The following TTC28 variants were observed in gnomAD, a reference collection of about 807,000 sequenced individuals.
TTC28 encodes the protein tetratricopeptide repeat protein 28.
A neutral mutation model predicts 198.0 loss-of-function variants in TTC28; 61 were observed. The ratio of observed to expected loss-of-function variants is 0.31; its 90% CI spans 0.25 to 0.38. The LOEUF is 0.38. Among genes scored for constraint, TTC28 ranks in the 10% least tolerant of loss-of-function variants. The probability of loss-of-function intolerance (pLI) is 1.00; values close to 1 mark genes in which losing one functional copy is unlikely to be tolerated. For missense variants in TTC28, 2,678 were observed against 3,164.0 expected, an observed-to-expected ratio of 0.85 and a Z score of 3.69; for synonymous variants, 1,171 against 1,297.8, an observed-to-expected ratio of 0.90 and a Z score of 2.10.
intron 2 of TTC28, among the ~76,000 whole-genome samples, chr22:28,625,191 T>C (rs1238094227): frequency 2.0e-5 from 3 of 152,120 alleles, no homozygotes; most frequent in East Asian, 3.9e-4. Flanking sequence ...GTACCGGATA[T>C]GCTAACCAGC....
intron 2 of TTC28, among the ~76,000 whole-genome samples, chr22:28,387,038 C>G (rs899009662): frequency 6.6e-6 from 1 of 152,068 alleles, no homozygotes; most frequent in Non-Finnish European, 1.5e-5. Flanking sequence ...GTTCCCCTTC[C>G]TGTGTCCACG....
intron 2 of TTC28, among the ~76,000 whole-genome samples, chr22:28,514,175 C>A (rs1398548158): frequency 1.3e-5 from 2 of 152,124 alleles, no homozygotes; most frequent in Non-Finnish European, 2.9e-5. Flanking sequence ...GAATCAATTG[C>A]CTTATTTATT....
intron 2 of TTC28, among the ~76,000 whole-genome samples, chr22:28,366,674 A>G (rs1403997734): frequency 2.0e-5 from 3 of 152,106 alleles, no homozygotes; most frequent in Non-Finnish European, 4.4e-5. Context: ...GCAAGATGCA[A>G]TGATCTCTTG....
intron 2 of TTC28, among the ~76,000 whole-genome samples, chr22:28,525,207 C>T (rs2048983654): frequency 6.6e-6 from 1 of 152,078 alleles, no homozygotes; most frequent in South Asian, 2.1e-4. Flanking sequence ...TGGAGTGCAG[C>T]GGTGCAATCA....
intron 6 of TTC28, among the ~76,000 whole-genome samples, chr22:28,113,493 G>A (rs1400253374): frequency 6.6e-6 from 1 of 152,198 alleles, no homozygotes; most frequent in Non-Finnish European, 1.5e-5. Context: ...GAGAGGAAGT[G>A]AGTTAGTGGC....
At chr22:28,519,114 A>C (rs1038215748) in intron 2 of TTC28, among the ~76,000 whole-genome samples, 3 of 152,228 alleles carry the variant, frequency 2.0e-5, no homozygotes, top group African/African-American at 7.2e-5. Context: ...AGCAGGGAGA[A>C]GTGTAGCAGG....
intron 2 of TTC28, among the ~76,000 whole-genome samples, chr22:28,340,463 TAA>T (rs554273080): frequency 8.7e-5 from 12 of 137,400 alleles, no homozygotes; most frequent in African/African-American, 1.3e-4. Flanking sequence ...TTTTTTTCCT[TAA>T]AAAAAAAAAA....
At chr22:28,377,863 C>A (rs2046435391) in intron 2 of TTC28, among the ~76,000 whole-genome samples, 1 of 151,790 alleles carries the variant, frequency 6.6e-6, no homozygotes, top group Non-Finnish European at 1.5e-5. Flanking sequence ...GAATAATAAA[C>A]CAATAAAAAT....
intron 2 of TTC28, among the ~76,000 whole-genome samples, chr22:28,414,721 T>C (rs547906888): frequency 1.2e-4 from 18 of 152,198 alleles, no homozygotes; most frequent in African/African-American, 4.3e-4. Flanking sequence ...GAAAAGTGAA[T>C]ACGCAAAAGA....
intron 5 of TTC28, among the ~76,000 whole-genome samples, chr22:28,189,972 C>G (rs1924578318): frequency 6.6e-6 from 1 of 152,170 alleles, no homozygotes; most frequent in African/African-American, 2.4e-5. Context: ...TTCAACGAGT[C>G]TAGTTACTAC....
rs138786149 is a variant in TTC28 at position 28,286,352 on chromosome 22, C to T, written c.933+9846G>A. ...TTAACTTTAATAACACATTTTAATC[C>T]AACGTAGCCAAAATATTATCACTAC... On this transcript the variant is annotated intron_variant, in intron 5 of 22. Transcript: ENST00000397906. 2.2e-3 allele frequency among the ~76,000 whole-genome samples: 332 copies of T among 152,024 alleles called. 7 individuals carry two copies. In the East Asian group the frequency reaches 0.053, roughly 24 times the overall value.
At position 27,982,888 on chromosome 22, in the gene TTC28, T is replaced by C. The variant is rs1488893393; in HGVS notation, c.6779A>G (p.Lys2260Arg). Reference sequence around the variant, plus strand: ...GCCACTGTGCTGGCTCGGGCTGTCTTTGATGGACATCTCTGAGGTGGTGGG... The same window carrying C: ...GCCACTGTGCTGGCTCGGGCTGTCTCTGATGGACATCTCTGAGGTGGTGGG... Reference protein sequence around the residue: ...SSPTTSEMSIKDSPSQHSGRP... With the variant: ...SSPTTSEMSIRDSPSQHSGRP... The change falls in exon 23 of 23, where the codon AAA becomes AGA. Residue 2260 changes from lysine to arginine, a missense_variant. Physicochemically the swap from Lys to Arg is conservative, Grantham distance 26 (BLOSUM62 2). Around this residue, in one of 8 missense-constraint regions of TTC28, gnomAD observed 622 missense variants for 656.0 expected, o/e 0.95. Transcript: ENST00000397906. This position sits in a 1 kb window ranked among gnomAD's most constrained non-coding sequence, Gnocchi z 5.2. 6.4e-7 allele frequency: 1 copy of C among 1,551,318 alleles called. No homozygotes were observed. Among genetic ancestry groups the C allele is most frequent in the Non-Finnish European group, 8.7e-7 (1 of 1,146,734 alleles).
chr22:28,529,531 C>T (rs1306976900), intron 2 of TTC28, among the ~76,000 whole-genome samples: 2 of 152,190 alleles, frequency 1.3e-5, no homozygotes. Flanking sequence ...ACTTAAACGT[C>T]CCTGTCTGAC....
At chr22:28,495,576 A>G (rs1300509907) in intron 2 of TTC28, among the ~76,000 whole-genome samples, 4 of 152,210 alleles carry the variant, frequency 2.6e-5, no homozygotes, top group African/African-American at 9.6e-5. Context: ...GCTAAAGAAT[A>G]TGTAACTCAA....
chr22:28,100,714 AG>A (rs1238786301), intron 9 of TTC28, among the ~76,000 whole-genome samples: 2 of 152,182 alleles, frequency 1.3e-5, no homozygotes, highest in Non-Finnish European at 2.9e-5. Context: ...CTAACAGAGG[AG>A]GCCTATAACT....
chr22:28,242,284 G>A (rs890881213), intron 5 of TTC28, among the ~76,000 whole-genome samples: 1 of 152,096 alleles, frequency 6.6e-6, no homozygotes, highest in African/African-American at 2.4e-5. Flanking sequence ...TCCCAAATAA[G>A]TTTATATCAC....
chr22:28,253,656 A>T (rs908794225), intron 5 of TTC28, among the ~76,000 whole-genome samples: 3 of 152,174 alleles, frequency 2.0e-5, no homozygotes, highest in African/African-American at 7.2e-5. Context: ...TACTCCACAT[A>T]GGGAGGAGCT....
intron 13 of TTC28, among the ~76,000 whole-genome samples, chr22:28,027,013 GTTC>G (rs978525816): frequency 3.3e-5 from 5 of 152,142 alleles, no homozygotes; most frequent in African/African-American, 1.2e-4. Context: ...AGCCTGTCCT[GTTC>G]TTCTTCGTCT....
intron 1 of TTC28, among the ~76,000 whole-genome samples, chr22:28,636,550 A>C (rs960952105): frequency 4.6e-5 from 7 of 152,222 alleles, no homozygotes; most frequent in Admixed American, 1.3e-4. Flanking sequence ...GATATACTTC[A>C]AGATTACTTC....
Sources: allele counts gnomAD v4.1 joint callset (sites outside exome capture counted in the v4.1 genomes callset), GRCh38; gene constraint gnomAD v4.1.1; regional missense constraint gnomAD v4.1.1; non-coding constraint Gnocchi (gnomAD v3.1); transcripts MANE v1.5; gene names NCBI Gene and HGNC (gene_info 2026-07-23, HGNC 2026-07-21).